ZMIZ1: variants seen among roughly 807,000 people sequenced by gnomAD.
The protein encoded by ZMIZ1 is zinc finger MIZ-type containing 1.
A neutral mutation model predicts 113.9 loss-of-function variants in ZMIZ1; 17 were observed. The ratio of observed to expected loss-of-function variants is 0.15; its 90% CI spans 0.10 to 0.22. The LOEUF (loss-of-function observed/expected upper bound fraction) is 0.22. ZMIZ1 is among the 10% of genes least tolerant of loss of function. The pLI, the probability that ZMIZ1 is intolerant of heterozygous loss-of-function variation, is 1.00. For synonymous variants in ZMIZ1, 607 were observed against 603.1 expected, an observed-to-expected ratio of 1.01 and a Z score of -0.09; for missense variants, 1,059 against 1,477.8, an observed-to-expected ratio of 0.72 and a Z score of 4.65.
At chr10:79,301,606 G>A (rs1854303365) in intron 17 of ZMIZ1, among the ~76,000 whole-genome samples, 1 of 152,180 alleles carries the variant, frequency 6.6e-6, no homozygotes, top group South Asian at 2.1e-4. Context: ...TGAGCTTAGG[G>A]GCACGGAGGC....
intron 1 of ZMIZ1, among the ~76,000 whole-genome samples, chr10:79,086,228 G>A (rs928935423): frequency 1.3e-5 from 2 of 152,050 alleles, no homozygotes; most frequent in East Asian, 1.9e-4. Context: ...GCGTCTCCCC[G>A]CCCCTCCTTA....
intron 4 of ZMIZ1, among the ~76,000 whole-genome samples, chr10:79,173,998 G>T (rs1846710621): frequency 6.6e-6 from 1 of 152,338 alleles, no homozygotes; most frequent in Middle Eastern, 3.4e-3. Flanking sequence ...TTCCGATGGA[G>T]CTGGTCTGTA....
intron 6 of ZMIZ1, among the ~76,000 whole-genome samples, chr10:79,213,928 G>T (rs1001526033): frequency 2.0e-5 from 3 of 152,116 alleles, no homozygotes; most frequent in African/African-American, 7.2e-5. Flanking sequence ...ATGTACGTGG[G>T]AGCCAGCATT....
At chr10:79,112,528 C>T (rs1371198263) in intron 1 of ZMIZ1, among the ~76,000 whole-genome samples, 2 of 152,158 alleles carry the variant, frequency 1.3e-5, no homozygotes, top group Admixed American at 6.5e-5. Context: ...GAAACCACTT[C>T]TGCCCTGTAA....
At chr10:79,180,173 T>G (rs562692252) in intron 4 of ZMIZ1, among the ~76,000 whole-genome samples, 49 of 152,210 alleles carry the variant, frequency 3.2e-4, no homozygotes, top group African/African-American at 1.1e-3. Context: ...GGGACAGCCC[T>G]CAGGGGGCCT....
rs1842192940 is a variant in ZMIZ1, at chr10:79,069,817, A to T, written c.-337+547A>T. 6.6e-6 allele frequency among the ~76,000 whole-genome samples: 1 copy of T among 151,854 alleles called. No homozygotes were observed. Among genetic ancestry groups the T allele is most frequent in the South Asian group, 2.1e-4 (1 of 4,816 alleles). The stretch of plus-strand genomic sequence containing the variant: ...GAAAACATACACTTTTGTAAATGGG[A>T]GGTGGGGGCGCGGTTAAGTTGTTTG... On this transcript the variant is annotated intron_variant, in intron 1 of 24. Transcript: ENST00000334512. This position sits in a 1 kb window ranked among gnomAD's most constrained non-coding sequence, Gnocchi z 4.6.
intron 4 of ZMIZ1, among the ~76,000 whole-genome samples, chr10:79,198,991 GCCATTGCACTCCGCCTGGGCAA>G (rs1412349909): frequency 6.6e-6 from 1 of 151,170 alleles, no homozygotes; most frequent in Non-Finnish European, 1.5e-5. Context: ...CCAAGATCAC[GCCATTGCACTCCGCCTGGGCAA>G]CAGAGCGAGA....
chr10:79,275,251 A>C (rs913141148), intron 7 of ZMIZ1, among the ~76,000 whole-genome samples: 9 of 152,220 alleles, frequency 5.9e-5, no homozygotes, highest in Non-Finnish European at 1.2e-4. Context: ...GTGCAGACAC[A>C]CATGACAGAG....
intron 6 of ZMIZ1, among the ~76,000 whole-genome samples, chr10:79,210,752 G>A (rs527854728): frequency 2.6e-5 from 4 of 152,300 alleles, no homozygotes; most frequent in African/African-American, 7.2e-5. Flanking sequence ...TTATTTGGAG[G>A]GCAATGGGGA....
At chr10:79,084,549 C>G (rs1044509765) in intron 1 of ZMIZ1, among the ~76,000 whole-genome samples, 1 of 152,214 alleles carries the variant, frequency 6.6e-6, no homozygotes. Flanking sequence ...TTCAAAGTCA[C>G]TTCGGACAGG....
intron 7 of ZMIZ1, among the ~76,000 whole-genome samples, chr10:79,267,154 G>C (rs545297907): frequency 6.6e-6 from 1 of 152,344 alleles, no homozygotes; most frequent in East Asian, 1.9e-4. Context: ...AGTGCCTGTC[G>C]GGGTGGCCCT....
At chr10:79,102,404 C>T (rs1443501934) in intron 1 of ZMIZ1, among the ~76,000 whole-genome samples, 1 of 152,246 alleles carries the variant, frequency 6.6e-6, no homozygotes, top group East Asian at 1.9e-4. Flanking sequence ...CCTCCTTTGC[C>T]CCGCCCTCTG....
chr10:79,218,831 C>T (rs1385443831), intron 7 of ZMIZ1, among the ~76,000 whole-genome samples: 1 of 151,986 alleles, frequency 6.6e-6, no homozygotes, highest in Non-Finnish European at 1.5e-5. Context: ...GCATGCACGG[C>T]TTTTTGTCAG....
At chr10:79,122,372 C>A (rs998833124) in intron 2 of ZMIZ1, among the ~76,000 whole-genome samples, 5 of 152,098 alleles carry the variant, frequency 3.3e-5, no homozygotes, top group Non-Finnish European at 7.3e-5. Context: ...CTCTCCTGAC[C>A]CACCCCATTT....
intron 2 of ZMIZ1, among the ~76,000 whole-genome samples, chr10:79,122,723 T>C (rs1844353212): frequency 6.6e-6 from 1 of 152,154 alleles, no homozygotes; most frequent in South Asian, 2.1e-4. Flanking sequence ...AAAGGCCCTA[T>C]TCCCATTTGC....
chr10:79,186,659 T>C (rs1285306439), intron 4 of ZMIZ1, among the ~76,000 whole-genome samples: 2 of 152,250 alleles, frequency 1.3e-5, no homozygotes, highest in African/African-American at 4.8e-5. Context: ...ACAGCAATAG[T>C]AAATCACAGG....
Position 79,092,301 on chromosome 10 carries a change from G to A in ZMIZ1, c.-337+23031G>A, listed in dbSNP as rs572958212. 2.1e-4 allele frequency among the ~76,000 whole-genome samples: 32 copies of A among 152,354 alleles called. No individual in the cohort carries two copies. In the South Asian group the frequency reaches 6.0e-3, roughly 29 times the overall value. Reference sequence around the variant, plus strand: ...GGAAAACTGGTGGCTGCCATGGCATGGCCATTTCATGGCTGCTGGCTTCCC... The same window carrying A: ...GGAAAACTGGTGGCTGCCATGGCATAGCCATTTCATGGCTGCTGGCTTCCC... On this transcript the variant is annotated intron_variant, in intron 1 of 24. Transcript: ENST00000334512.
Position 79,070,007 on chromosome 10 carries a change from G to T in ZMIZ1, c.-337+737G>T, listed in dbSNP as rs114790698. On this transcript the variant is annotated intron_variant, in intron 1 of 24. Coordinates refer to ENST00000334512, the MANE Select transcript of ZMIZ1 (RefSeq NM_020338.4). Reference sequence around the variant, plus strand: ...GGGAGCCCAGGGGGAAGATGTGCGTGTGTGTGCGCGCGCGCGTTGCAAATA... The same window carrying T: ...GGGAGCCCAGGGGGAAGATGTGCGTTTGTGTGCGCGCGCGCGTTGCAAATA... Among the ~76,000 whole-genome samples, 1,421 of 152,144 alleles carry T rather than the reference G, an allele frequency of 9.3e-3. 20 individuals carry two copies. The highest frequency in any genetic ancestry group is 0.031 in the African/African-American group (1,302 of 41,532).
At chr10:79,233,947 C>T (rs780671933) in intron 7 of ZMIZ1, among the ~76,000 whole-genome samples, 13 of 152,074 alleles carry the variant, frequency 8.5e-5, no homozygotes, top group Non-Finnish European at 7.4e-5. Context: ...GTATATATGT[C>T]TTTAAGGGTC....
Sources: gnomAD v4.1 joint callset for allele counts (sites outside exome capture counted in the v4.1 genomes callset) on GRCh38, gnomAD v4.1.1 for gene constraint, Gnocchi (gnomAD v3.1) non-coding constraint, MANE v1.5 for transcripts, NCBI Gene and HGNC (gene_info 2026-07-23, HGNC 2026-07-21) for gene names.